USP31: variants seen among roughly 807,000 people sequenced by gnomAD.
USP31 encodes the protein ubiquitin carboxyl-terminal hydrolase 31.
In USP31, 44 loss-of-function variants were observed where a neutral mutation model predicts 119.4. The observed-to-expected ratio is 0.37, with a 90% CI of 0.29 to 0.47. The LOEUF is 0.47. Among genes scored for constraint, USP31 ranks in the 20% least tolerant of loss-of-function variants. The pLI is 0.99. For synonymous variants in USP31, 749 were observed against 705.6 expected (o/e 1.06, Z -0.97); for missense variants, 1,643 against 1,730.2 (o/e 0.95, Z 0.89).
chr16:23,129,252 C>T lies in USP31; in HGVS notation c.633+19386G>A, dbSNP rs1250590265. Among the ~76,000 whole-genome samples, 5 of 152,158 alleles carry T rather than the reference C, an allele frequency of 3.3e-5. 1 individual carries two copies. The South Asian group carries it at 8.3e-4, about 25-fold the overall frequency. ...ATAAATGAGAGAGAGAGGTTGTGAG[C>T]GACAACAGATGTATCAATCCATTGA... On this transcript the variant is annotated intron_variant, in intron 1 of 15. Coordinates refer to ENST00000219689, the MANE Select transcript of USP31 (RefSeq NM_020718.4).
intron 12 of USP31, among the ~76,000 whole-genome samples, chr16:23,080,758 T>C (rs552123238): frequency 1.3e-5 from 2 of 152,220 alleles, no homozygotes; most frequent in Non-Finnish European, 2.9e-5. Flanking sequence ...ATGTTTCCTG[T>C]GTCTATGGGA....
chr16:23,106,595 T>A, intron 2 of USP31, 108 bp from the exon 3 acceptor site: 1 of 1,140,588 alleles, frequency 8.8e-7, no homozygotes, highest in South Asian at 1.6e-5. Flanking sequence ...AAGCTATGCA[T>A]CAAGTGCAGA....
intron 6 of USP31, among the ~76,000 whole-genome samples, chr16:23,100,747 A>G (rs150189855): frequency 5.9e-5 from 9 of 152,302 alleles, no homozygotes; most frequent in Admixed American, 5.2e-4. Flanking sequence ...TCTCAAAAAG[A>G]AAAAAAGAGA....
In USP31 at chr16:23,062,849, ATTC is replaced by A. The variant is rs775585646; in HGVS notation, c.*5194_*5196del. The A allele has an allele frequency of 2.2e-4, 34 of 152,512 alleles. 1 individual carries two copies. The highest frequency in any genetic ancestry group is 4.6e-4 in the Non-Finnish European group (31 of 68,012). 9.4% of individuals were successfully genotyped at this position (152,512 alleles called of 1,614,324 possible). The stretch of plus-strand genomic sequence containing the variant: ...ATATCAGTATCTCTCAATTCTTTTT[ATTC>A]TTATTTTTTCTGCTTCTCCTACACA... On this transcript the variant is annotated 3_prime_UTR_variant, in exon 16 of 16. Coordinates refer to ENST00000219689, the MANE Select transcript of USP31 (RefSeq NM_020718.4).
intron 1 of USP31, among the ~76,000 whole-genome samples, chr16:23,133,165 C>T (rs1014001331): frequency 6.6e-6 from 1 of 152,126 alleles, no homozygotes; most frequent in East Asian, 1.9e-4. Context: ...ATCCTGTATA[C>T]GAGGCCCGCC....
chr16:23,119,177 C>T (rs1267084278), intron 1 of USP31, among the ~76,000 whole-genome samples: 1 of 151,052 alleles, frequency 6.6e-6, no homozygotes, highest in African/African-American at 2.4e-5. Context: ...CAGCTCACTG[C>T]GACCTCCGCC....
chr16:23,069,712 G>A (rs763287559), intron 15 of USP31, 96 bp from the exon 16 acceptor site: 1 of 1,453,966 alleles, frequency 6.9e-7, no homozygotes, highest in South Asian at 1.5e-5. Flanking sequence ...TAAGCCTCAT[G>A]GGATGAAAGG....
At chr16:23,137,243 C>T (rs1416159018) in intron 1 of USP31, among the ~76,000 whole-genome samples, 1 of 151,958 alleles carries the variant, frequency 6.6e-6, no homozygotes, top group East Asian at 1.9e-4. Flanking sequence ...CAATGCGATA[C>T]CACTTTACAC....
At chr16:23,093,778 C>T (rs1368511519) in intron 6 of USP31, among the ~76,000 whole-genome samples, 1 of 152,076 alleles carries the variant, frequency 6.6e-6, no homozygotes, top group East Asian at 1.9e-4. Flanking sequence ...AGGAAAAAAA[C>T]AAATGCCCAT....
intron 1 of USP31, among the ~76,000 whole-genome samples, chr16:23,146,951 GAA>G (rs1329874621): frequency 1.4e-5 from 2 of 145,128 alleles, no homozygotes; most frequent in Non-Finnish European, 3.0e-5. Context: ...TTCTAGACTT[GAA>G]GCTTGTTCTG....
At chr16:23,077,831 A>C (rs1179118152) in intron 13 of USP31, among the ~76,000 whole-genome samples, 1 of 152,172 alleles carries the variant, frequency 6.6e-6, no homozygotes, top group Non-Finnish European at 1.5e-5. Context: ...CCCTTAGCCC[A>C]ATGATTCCAT....
chr16:23,068,915 C>A lies in USP31; in HGVS notation c.3190G>T (p.Val1064Leu), dbSNP rs1381672574. ...SSTSPSSPLP[V>L]KVSLKPSRSR... The stretch of plus-strand genomic sequence containing the variant: ...CGGGAGGGCTTTAGAGAGACTTTTA[C>A]AGGAAGAGGAGAAGAAGGGGATGTA... The change falls in exon 16 of 16, where the codon GTA becomes TTA. Residue 1064 changes from valine (V) to leucine (L), a missense_variant. Coordinates refer to ENST00000219689, the MANE Select transcript of USP31 (RefSeq NM_020718.4). 4.3e-6 allele frequency: 7 copies of A among 1,612,586 alleles called. No individual in the cohort carries two copies. Among genetic ancestry groups the A allele is most frequent in the Non-Finnish European group, 5.1e-6 (6 of 1,179,506 alleles).
chr16:23,133,485 C>T (rs975936284), intron 1 of USP31, among the ~76,000 whole-genome samples: 1 of 152,166 alleles, frequency 6.6e-6, no homozygotes, highest in African/African-American at 2.4e-5. Context: ...GAAACCGAAT[C>T]ATTTTGCCTC....
At chr16:23,117,673 G>A (rs1466454811) in intron 1 of USP31, among the ~76,000 whole-genome samples, 1 of 151,896 alleles carries the variant, frequency 6.6e-6, no homozygotes, top group Non-Finnish European at 1.5e-5. Flanking sequence ...TAGAAACTAT[G>A]CAGTAGAAAA....
chr16:23,133,963 G>C (rs535746066), intron 1 of USP31, among the ~76,000 whole-genome samples: 17 of 152,118 alleles, frequency 1.1e-4, no homozygotes, highest in African/African-American at 4.1e-4. Flanking sequence ...CGTAGTCCAA[G>C]CTACTCGGGA....
chr16:23,088,103 G>C (rs1336541001), intron 7 of USP31, among the ~76,000 whole-genome samples: 2 of 152,198 alleles, frequency 1.3e-5, no homozygotes, highest in African/African-American at 2.4e-5. Context: ...GGCAGGATCA[G>C]TGAAGATGGA....
At chr16:23,108,306 G>C in intron 1 of USP31, 123 bp from the exon 2 acceptor site, 1 of 1,345,392 alleles carries the variant, frequency 7.4e-7, no homozygotes, top group South Asian at 1.6e-5. Flanking sequence ...TTCCCAGAAG[G>C]AGTGCAAAGT....
chr16:23,108,133 A>G lies in USP31; in HGVS notation c.684T>C (p.Asp228=), dbSNP rs760739634. Reference sequence around the variant, plus strand: ...AAAGCCACAGCAGAAACTCCTGGGCATCATGTTGGGAATTTCCCCGGTACT... The same window carrying G: ...AAAGCCACAGCAGAAACTCCTGGGCGTCATGTTGGGAATTTCCCCGGTACT... ...ALQYRGNSQH[D]AQEFLLWLLD... is the part of the protein sequence containing the mutation. The change falls in exon 2 of 16, where the codon GAT becomes GAC. Residue 228 remains aspartate, a synonymous_variant. Transcript: ENST00000219689. 20 of 1,613,878 alleles carry G rather than the reference A, an allele frequency of 1.2e-5. No individual in the cohort carries two copies. Among genetic ancestry groups the G allele is most frequent in the Non-Finnish European group, 3.4e-6 (4 of 1,179,944 alleles).
rs972714447 is a variant in USP31, at chr16:23,149,208, G to C, written c.63C>G (p.Arg21=). ...PPAAASGKEK[R]SFSKRLFRSG... Reference sequence around the variant, plus strand: ...TCCGAAACAGCCGCTTGCTGAAGGAGCGCTTCTCCTTCCCGCTCGCCGCCG... The same window carrying C: ...TCCGAAACAGCCGCTTGCTGAAGGACCGCTTCTCCTTCCCGCTCGCCGCCG... Residue 21 remains arginine, a synonymous_variant, in exon 1 of 16, where the codon CGC becomes CGG. Coordinates refer to ENST00000219689, the MANE Select transcript of USP31 (RefSeq NM_020718.4). The C allele has an allele frequency of 1.2e-5, 14 of 1,149,072 alleles. No individual in the cohort carries two copies. The South Asian group carries it at 1.2e-4, about 10-fold the overall frequency. 71.2% of individuals were successfully genotyped at this position (1,149,072 alleles called of 1,614,324 possible). A position where few individuals can be genotyped will look rare whatever the true frequency, so the allele number is the denominator to read the frequency against.
Sources: gnomAD v4.1 joint callset for allele counts (sites outside exome capture counted in the v4.1 genomes callset) on GRCh38, gnomAD v4.1.1 for gene constraint, MANE v1.5 for transcripts, NCBI Gene and HGNC (gene_info 2026-07-23, HGNC 2026-07-21) for gene names.